GNAQ: variants seen among roughly 807,000 people sequenced by gnomAD.
The protein encoded by GNAQ is G protein subunit alpha q.
GNAQ carries 8 observed loss-of-function variants against 43.9 expected under a neutral mutation model. That is an observed-to-expected ratio of 0.18 (90% confidence interval 0.11 to 0.33). The LOEUF (loss-of-function observed/expected upper bound fraction) is 0.33. Among genes scored for constraint, GNAQ ranks in the 10% least tolerant of loss-of-function variants. The pLI is 1.00. For missense variants in GNAQ, 158 were observed against 450.8 expected, an observed-to-expected ratio of 0.35 and a Z score of 5.88; for synonymous variants, 155 against 170.7, an observed-to-expected ratio of 0.91 and a Z score of 0.71.
At chr9:77,945,824 G>C (rs1420402215) in intron 1 of GNAQ, among the ~76,000 whole-genome samples, 1 of 152,182 alleles carries the variant, frequency 6.6e-6, no homozygotes, top group African/African-American at 2.4e-5. Context: ...GGGACCCTTA[G>C]AGGCCGCATC....
rs78520663 is a variant in GNAQ at position 77,840,368 on chromosome 9, T to C, written c.322-24598A>G. The stretch of plus-strand genomic sequence containing the variant: ...ATTACTTTTTGTTTTTTTTTTTTTT[T>C]AGACGGAGTCGGAGTCGGAGTACAG... On this transcript the variant is annotated intron_variant, in intron 2 of 6. Coordinates refer to ENST00000286548, the MANE Select transcript of GNAQ (RefSeq NM_002072.5). Among the ~76,000 whole-genome samples, 3 of 151,588 alleles carry C rather than the reference T, an allele frequency of 2.0e-5. No individual in the cohort carries two copies. The South Asian group carries it at 6.2e-4, about 31-fold the overall frequency.
intron 1 of GNAQ, among the ~76,000 whole-genome samples, chr9:77,964,414 T>C (rs1226233053): frequency 2.0e-5 from 3 of 152,102 alleles, no homozygotes; most frequent in Non-Finnish European, 4.4e-5. Context: ...TCAAAGATAA[T>C]AGAGGACTTT....
At chr9:77,936,622 T>A (rs1439272216) in intron 1 of GNAQ, among the ~76,000 whole-genome samples, 1 of 152,146 alleles carries the variant, frequency 6.6e-6, no homozygotes, top group Non-Finnish European at 1.5e-5. Context: ...CAAAATACTT[T>A]AACAAATCAA....
chr9:77,834,831 A>G (rs1236364348), intron 2 of GNAQ, among the ~76,000 whole-genome samples: 1 of 152,236 alleles, frequency 6.6e-6, no homozygotes, highest in African/African-American at 2.4e-5. Context: ...TGTCTTTTAA[A>G]AAAATTTATG....
At chr9:77,836,075 C>A (rs1436706804) in intron 2 of GNAQ, among the ~76,000 whole-genome samples, 1 of 152,088 alleles carries the variant, frequency 6.6e-6, no homozygotes, top group Admixed American at 6.5e-5. Flanking sequence ...AAACTTATGG[C>A]CAAAATAACC....
In GNAQ at chr9:77,764,949, A is replaced by G. The variant is rs552561561; in HGVS notation, c.735+29514T>C. On this transcript the variant is annotated intron_variant, in intron 5 of 6. Transcript: ENST00000286548. ...AACCAACAGACTCTTCCGTGTTAAC[A>G]TTCTATAAATGTGATTAGTTTTTTC... Among the ~76,000 whole-genome samples the G allele has an allele frequency of 3.0e-4, 46 of 152,330 alleles. 1 individual carries two copies. Among genetic ancestry groups the G allele is most frequent in the Non-Finnish European group, 5.9e-4 (40 of 68,036 alleles).
intron 1 of GNAQ, among the ~76,000 whole-genome samples, chr9:77,990,296 A>C (rs1823492581): frequency 6.6e-6 from 1 of 152,214 alleles, no homozygotes; most frequent in South Asian, 2.1e-4. Context: ...TGGCACAATA[A>C]TAGCAACCTT....
intron 2 of GNAQ, among the ~76,000 whole-genome samples, chr9:77,826,804 G>A (rs991628617): frequency 2.6e-5 from 4 of 152,138 alleles, no homozygotes; most frequent in Non-Finnish European, 5.9e-5. Flanking sequence ...ACACATTAAC[G>A]GGTCAGTAAA....
chr9:77,950,173 C>T (rs762203153), intron 1 of GNAQ, among the ~76,000 whole-genome samples: 2 of 152,206 alleles, frequency 1.3e-5, no homozygotes, highest in Non-Finnish European at 2.9e-5. Flanking sequence ...AGAAATGATT[C>T]CATTAAGCTC....
chr9:78,015,298 C>G (rs1199234029), intron 1 of GNAQ, among the ~76,000 whole-genome samples: 3 of 152,194 alleles, frequency 2.0e-5, no homozygotes, highest in Non-Finnish European at 2.9e-5. Flanking sequence ...GCTATACAAT[C>G]TAGATTTGTG....
At chr9:77,893,556 G>C (rs145316209) in intron 2 of GNAQ, among the ~76,000 whole-genome samples, 1 of 152,292 alleles carries the variant, frequency 6.6e-6, no homozygotes, top group South Asian at 2.1e-4. Flanking sequence ...TCTGCCTATG[G>C]AGTAGCCATT....
chr9:77,976,649 C>T (rs1308838105), intron 1 of GNAQ, among the ~76,000 whole-genome samples: 1 of 152,242 alleles, frequency 6.6e-6, no homozygotes, highest in Non-Finnish European at 1.5e-5. Context: ...CTCAGCCTCC[C>T]AAAGTGCTGG....
intron 5 of GNAQ, among the ~76,000 whole-genome samples, chr9:77,760,739 C>T (rs1036195921): frequency 1.3e-4 from 20 of 150,762 alleles, no homozygotes; most frequent in Admixed American, 5.9e-4. Context: ...TCTGCCCGGC[C>T]GCCATCCCAT....
intron 2 of GNAQ, among the ~76,000 whole-genome samples, chr9:77,859,628 T>C (rs1827811683): frequency 6.6e-6 from 1 of 151,998 alleles, no homozygotes; most frequent in Non-Finnish European, 1.5e-5. Context: ...AGACCCGGAG[T>C]TGTAAGAAGA....
chr9:78,031,345 C>T lies in GNAQ; in HGVS notation c.-110G>A. On this transcript the variant is annotated 5_prime_UTR_variant, in exon 1 of 7. Transcript: ENST00000286548. ...GGCAGCGGTGGCCGCCGAGCCCCCG[C>T]CGCCCGGGCGCGCGTCCGGGACGAG... 1.1e-6 allele frequency: 1 copy of T among 869,634 alleles called. No homozygotes were observed. Among genetic ancestry groups the T allele is most frequent in the Non-Finnish European group, 1.5e-6 (1 of 663,440 alleles). 53.9% of individuals were successfully genotyped at this position (869,634 alleles called of 1,614,324 possible). A position where few individuals can be genotyped will look rare whatever the true frequency, so the allele number is the denominator to read the frequency against.
At chr9:77,782,613 C>A (rs1268281770) in intron 5 of GNAQ, among the ~76,000 whole-genome samples, 1 of 152,196 alleles carries the variant, frequency 6.6e-6, no homozygotes, top group Non-Finnish European at 1.5e-5. Context: ...ACTAAACATA[C>A]TCTTACCATA....
chr9:77,939,552 T>A (rs1431990612), intron 1 of GNAQ, among the ~76,000 whole-genome samples: 2 of 152,100 alleles, frequency 1.3e-5, no homozygotes, highest in Non-Finnish European at 2.9e-5. Context: ...ACTAAATAAG[T>A]TCCCCCCTTT....
At chr9:77,808,946 T>C (rs1282573914) in intron 3 of GNAQ, among the ~76,000 whole-genome samples, 1 of 152,108 alleles carries the variant, frequency 6.6e-6, no homozygotes, top group Non-Finnish European at 1.5e-5. Flanking sequence ...CAAACCAATA[T>C]ACCCTGGAGT....
intron 2 of GNAQ, among the ~76,000 whole-genome samples, chr9:77,877,291 G>C (rs1351162201): frequency 1.3e-5 from 2 of 152,006 alleles, no homozygotes; most frequent in African/African-American, 4.8e-5. Context: ...TCATTATAAG[G>C]GTATCATTGG....
Sources: gnomAD v4.1 joint callset for allele counts (sites outside exome capture counted in the v4.1 genomes callset) on GRCh38, gnomAD v4.1.1 for gene constraint, MANE v1.5 for transcripts, NCBI Gene and HGNC (gene_info 2026-07-23, HGNC 2026-07-21) for gene names.